Variants in BTBD17 observed in about 807,000 individuals in gnomAD.
BTBD17 encodes BTB domain containing 17, also known as BTB/POZ domain-containing protein 17.
BTBD17 carries 26 observed loss-of-function variants against 36.9 expected under a neutral mutation model. The ratio of observed to expected loss-of-function variants is 0.70; its 90% CI spans 0.52 to 0.98. The LOEUF (loss-of-function observed/expected upper bound fraction) is 0.98. Ranked by LOEUF, BTBD17 falls within the 50% of genes least tolerant of loss-of-function variation. The pLI is 0.00. For synonymous variants in BTBD17, 341 were observed against 338.0 expected (o/e 1.01, Z -0.10); for missense variants, 630 against 691.3 (o/e 0.91, Z 0.99).
Position 74,361,760 on chromosome 17 carries a change from G to T in BTBD17, c.60C>A (p.Thr20=). 6.2e-7 allele frequency: 1 copy of T among 1,613,726 alleles called. No homozygotes were observed. Among genetic ancestry groups the T allele is most frequent in the Non-Finnish European group, 8.5e-7 (1 of 1,179,862 alleles). Residue 20 remains threonine, a synonymous_variant, in exon 1 of 3, where the codon ACC becomes ACA. Transcript: ENST00000375366. ...GSWGSFWAML[T]LVGLVTHAAQ... Reference sequence around the variant, plus strand: ...CTGCATGGGTGACCAGGCCCACCAAGGTCAGCATGGCCCAGAAGCTGCCCC... The same window carrying T: ...CTGCATGGGTGACCAGGCCCACCAATGTCAGCATGGCCCAGAAGCTGCCCC...
chr17:74,360,421 G>A (rs944342254), intron 1 of BTBD17, among the ~76,000 whole-genome samples, 176 bp from the exon 2 acceptor site: 2 of 152,158 alleles, frequency 1.3e-5, no homozygotes, highest in Non-Finnish European at 2.9e-5. Context: ...TGGATGCATC[G>A]GTGCACATAC....
At position 74,357,215 on chromosome 17, in the gene BTBD17, G is replaced by A; in HGVS notation, c.879C>T (p.His293=). The A allele has an allele frequency of 6.3e-7, 1 of 1,575,694 alleles. No homozygotes were observed. The highest frequency in any genetic ancestry group is 8.6e-7 in the Non-Finnish European group (1 of 1,165,256). Residue 293 remains histidine (H), a synonymous_variant, in exon 3 of 3, where the codon CAC becomes CAT. Coordinates refer to ENST00000375366, the MANE Select transcript of BTBD17 (RefSeq NM_001080466.2). This position sits in a 1 kb window ranked among gnomAD's most constrained non-coding sequence, Gnocchi z 8.4. ...TGGCGTAGTGCAGCGGCGACGCGGC[G>A]TGGAACTGGTAGGCCTGCAGCAGGA... is the stretch of plus-strand genomic sequence containing the variant. ...ADLLLQAYQF[H]AASPLHYAKF... is the part of the protein sequence containing the mutation.
intron 2 of BTBD17, 81 bp downstream of exon 2, chr17:74,359,888 T>G (rs2054924774): frequency 6.9e-7 from 1 of 1,448,326 alleles, no homozygotes; most frequent in Non-Finnish European, 9.4e-7. Context: ...TCTAAGGGCC[T>G]GGGCTTCCCT....
chr17:74,361,209 A>G (rs1387988627), intron 1 of BTBD17, among the ~76,000 whole-genome samples: 3 of 152,250 alleles, frequency 2.0e-5, no homozygotes, highest in Non-Finnish European at 4.4e-5. Flanking sequence ...ACTCAGTTAT[A>G]GAAACTGTCA....
At position 74,360,109 on chromosome 17, in the gene BTBD17, G is replaced by A. The variant is rs763112833; in HGVS notation, c.222C>T (p.Thr74=). 5.6e-6 allele frequency: 9 copies of A among 1,613,122 alleles called. No homozygotes were observed. The highest frequency in any genetic ancestry group is 2.2e-5 in the South Asian group (2 of 91,084). ...GGGCGTGGAATACCCGGACCTCATC[G>A]GTGCCCGCAGCCTGCACCCGCAGAA... ...DVVLRVQAAG[T]DEVRVFHAHR... The change falls in exon 2 of 3, where the codon ACC becomes ACT. Residue 74 remains threonine (T), a synonymous_variant. Coordinates refer to ENST00000375366, the MANE Select transcript of BTBD17 (RefSeq NM_001080466.2).
intron 1 of BTBD17, among the ~76,000 whole-genome samples, chr17:74,361,490 G>T (rs1338199971): frequency 2.0e-5 from 3 of 152,180 alleles, no homozygotes; most frequent in Non-Finnish European, 4.4e-5. Flanking sequence ...AATGCTGATG[G>T]CGTCCCCATT....
At position 74,357,757 on chromosome 17, in the gene BTBD17, C is replaced by A; in HGVS notation, c.363-26G>T. 1 of 1,510,220 alleles carries A rather than the reference C, an allele frequency of 6.6e-7. No homozygotes were observed. Among genetic ancestry groups the A allele is most frequent in the Non-Finnish European group, 8.9e-7 (1 of 1,129,000 alleles). 93.6% of individuals were successfully genotyped at this position (1,510,220 alleles called of 1,614,324 possible). A position where few individuals can be genotyped will look rare whatever the true frequency, so the allele number is the denominator to read the frequency against. On this transcript the variant is annotated intron_variant, in intron 2 of 2. Transcript: ENST00000375366. This position sits in a 1 kb window ranked among gnomAD's most constrained non-coding sequence, Gnocchi z 8.4. ...CTGCGGGAGAGACCGAGAGGTGGGG[C>A]GGGGTCAGGGCGGTACCCACCTCCC... is the stretch of plus-strand genomic sequence containing the variant.
chr17:74,357,842 G>T lies in BTBD17; in HGVS notation c.363-111C>A. 1.2e-6 allele frequency: 1 copy of T among 831,484 alleles called. No homozygotes were observed. Among genetic ancestry groups the T allele is most frequent in the Non-Finnish European group, 1.8e-6 (1 of 556,418 alleles). 51.5% of individuals were successfully genotyped at this position (831,484 alleles called of 1,614,324 possible). On this transcript the variant is annotated intron_variant, in intron 2 of 2. Coordinates refer to ENST00000375366, the MANE Select transcript of BTBD17 (RefSeq NM_001080466.2). This position sits in a 1 kb window ranked among gnomAD's most constrained non-coding sequence, Gnocchi z 8.4. ...CCTGGAGTTGGAGCTTCACTGTCCG[G>T]GTGCAAACACAGTGGAAGCCCCACC...
rs1201057705 is a variant in BTBD17, at chr17:74,356,711, G to A, written c.1383C>T (p.His461=). 1 of 1,596,662 alleles carries A rather than the reference G, an allele frequency of 6.3e-7. No individual in the cohort carries two copies. Among genetic ancestry groups the A allele is most frequent in the Admixed American group, 1.7e-5 (1 of 57,648 alleles). The stretch of plus-strand genomic sequence containing the variant: ...ATACGGGCTTGACGATGAGGTGCAG[G>A]TGCAGGGCGTTCTCAACCAGGTACT... ...NSEYLVENAL[H]LHLIVKPVYH... Residue 461 remains histidine (H), a synonymous_variant, in exon 3 of 3, where the codon CAC becomes CAT. Coordinates refer to ENST00000375366, the MANE Select transcript of BTBD17 (RefSeq NM_001080466.2). The surrounding 1 kb of genome is among the most constrained non-coding windows in gnomAD (Gnocchi z 4.3).
Position 74,360,097 on chromosome 17 carries a change from C to T in BTBD17, c.234G>A (p.Arg78=). 6.2e-7 allele frequency: 1 copy of T among 1,613,290 alleles called. No homozygotes were observed. The highest frequency in any genetic ancestry group is 8.5e-7 in the Non-Finnish European group (1 of 1,180,004). ...RVQAAGTDEV[R]VFHAHRLLLG... ...GCAGCAGGCGGTGGGCGTGGAATAC[C>T]CGGACCTCATCGGTGCCCGCAGCCT... Residue 78 remains arginine, a synonymous_variant, in exon 2 of 3, where the codon CGG becomes CGA. Coordinates refer to ENST00000375366, the MANE Select transcript of BTBD17 (RefSeq NM_001080466.2).
At chr17:74,363,215 C>T (rs1393325401), upstream of BTBD17, among the ~76,000 whole-genome samples, 1 of 152,134 alleles carries the variant, frequency 6.6e-6, no homozygotes, top group African/African-American at 2.4e-5. Flanking sequence ...CTGGCTGGCA[C>T]AGAGACCCAG....
chr17:74,357,557 G>C lies in BTBD17; in HGVS notation c.537C>G (p.Thr179=), dbSNP rs749589254. ...AVGWYHYAVG[T]GDEALRESCL... ...AGCTCTCGCGCAGGGCCTCGTCCCC[G>C]GTGCCCACCGCGTAGTGGTACCAGC... The change falls in exon 3 of 3, where the codon ACC becomes ACG. Residue 179 remains threonine, a synonymous_variant. Coordinates refer to ENST00000375366, the MANE Select transcript of BTBD17 (RefSeq NM_001080466.2). This position sits in a 1 kb window ranked among gnomAD's most constrained non-coding sequence, Gnocchi z 8.4. 3.2e-6 allele frequency: 5 copies of C among 1,553,954 alleles called. No homozygotes were observed. The African/African-American group carries it at 4.1e-5, about 13-fold the overall frequency.
chr17:74,357,642 T>C lies in BTBD17; in HGVS notation c.452A>G (p.Gln151Arg), dbSNP rs1290212250. Reference protein sequence around the residue: ...LATKYGVSSLQRGVADYMRAH... With the variant: ...LATKYGVSSLRRGVADYMRAH... Reference sequence around the variant, plus strand: ...GCGCATGTAGTCGGCCACGCCGCGCTGCAGGGAGGACACGCCGTACTTGGT... The same window carrying C: ...GCGCATGTAGTCGGCCACGCCGCGCCGCAGGGAGGACACGCCGTACTTGGT... Residue 151 changes from glutamine to arginine, a missense_variant, in exon 3 of 3, where the codon CAG becomes CGG. Transcript: ENST00000375366. This position sits in a 1 kb window ranked among gnomAD's most constrained non-coding sequence, Gnocchi z 8.4. The C allele has an allele frequency of 1.2e-5, 19 of 1,550,100 alleles. No homozygotes were observed. In the South Asian group the frequency reaches 2.1e-4, roughly 17 times the overall value.
At chr17:74,361,603 T>G (rs2054938696) in intron 1 of BTBD17, 132 bp downstream of exon 1, 1 of 674,232 alleles carries the variant, frequency 1.5e-6, no homozygotes, top group Non-Finnish European at 2.5e-6. Context: ...GATGAGTCCG[T>G]GGAGCTGTCC....
Position 74,357,510 on chromosome 17 carries a change from T to C in BTBD17, c.584A>G (p.Asn195Ser). 11 of 1,564,526 alleles carry C rather than the reference T, an allele frequency of 7.0e-6. No homozygotes were observed. Among genetic ancestry groups the C allele is most frequent in the Admixed American group, 1.8e-5 (1 of 55,504 alleles). Residue 195 changes from asparagine (N) to serine (S), a missense_variant, in exon 3 of 3, where the codon AAC becomes AGC. Transcript: ENST00000375366. This position sits in a 1 kb window ranked among gnomAD's most constrained non-coding sequence, Gnocchi z 8.4. ...RESCLQFLAW[N>S]LSAVAASTEW... is the part of the protein sequence containing the mutation. ...GGTGCTGGCCGCCACGGCCGACAGGTTCCAGGCCAGGAACTGCAGGCAGCT... is the reference window on the plus strand; with the variant it reads ...GGTGCTGGCCGCCACGGCCGACAGGCTCCAGGCCAGGAACTGCAGGCAGCT...
At position 74,357,046 on chromosome 17, in the gene BTBD17, C is replaced by T; in HGVS notation, c.1048G>A (p.Ala350Thr). ...ACGTTCCAGGTGACCCGGCGGCCCG[C>T]GTCGTGGCCACTCGGGCCCAGCTGC... Reference protein sequence around the residue: ...QTQLGPSGHDAGRRVTWNVLF... With the variant: ...QTQLGPSGHDTGRRVTWNVLF... The change falls in exon 3 of 3, where the codon GCG becomes ACG. Residue 350 changes from alanine (A) to threonine (T), a missense_variant. Coordinates refer to ENST00000375366, the MANE Select transcript of BTBD17 (RefSeq NM_001080466.2). The surrounding 1 kb of genome is among the most constrained non-coding windows in gnomAD (Gnocchi z 8.4). The T allele has an allele frequency of 6.5e-7, 1 of 1,528,486 alleles. No homozygotes were observed. The highest frequency in any genetic ancestry group is 8.7e-7 in the Non-Finnish European group (1 of 1,150,364). The allele number at this position is 1,528,486 out of a possible 1,614,324, so 94.7% of individuals were successfully genotyped here.
In BTBD17 at chr17:74,357,560, G is replaced by A. The variant is rs1169274253; in HGVS notation, c.534C>T (p.Gly178=). 8 of 1,554,216 alleles carry A rather than the reference G, an allele frequency of 5.1e-6. No homozygotes were observed. The highest frequency in any genetic ancestry group is 1.4e-5 in the African/African-American group (1 of 73,534). The part of the protein sequence containing the change: ...PAVGWYHYAV[G]TGDEALRESC... ...TCTCGCGCAGGGCCTCGTCCCCGGT[G>A]CCCACCGCGTAGTGGTACCAGCCCA... The change falls in exon 3 of 3, where the codon GGC becomes GGT. Residue 178 remains glycine, a synonymous_variant. Transcript: ENST00000375366. This position sits in a 1 kb window ranked among gnomAD's most constrained non-coding sequence, Gnocchi z 8.4.
rs1396340006 is a variant in BTBD17 at position 74,356,566 on chromosome 17, G to C, written c.*91C>G. On this transcript the variant is annotated 3_prime_UTR_variant, in exon 3 of 3. Transcript: ENST00000375366. The surrounding 1 kb of genome is among the most constrained non-coding windows in gnomAD (Gnocchi z 4.3). ...GTGGCCGGCGCCTGGCCATCCAGGG[G>C]ACCAGGCTTGTTGCCACCTCCAGGC... 7.4e-6 allele frequency: 10 copies of C among 1,360,428 alleles called. No individual in the cohort carries two copies. Among genetic ancestry groups the C allele is most frequent in the Non-Finnish European group, 9.5e-6 (10 of 1,053,206 alleles). The allele number at this position is 1,360,428 out of a possible 1,614,324, so 84.3% of individuals were successfully genotyped here.
At chr17:74,360,374 G>A (rs1567932390) in intron 1 of BTBD17, 129 bp from the exon 2 acceptor site, 1 of 954,584 alleles carries the variant, frequency 1.0e-6, no homozygotes, top group East Asian at 2.7e-5. Flanking sequence ...GCCTAGGCGG[G>A]TTGTATGTGC....
Sources: gnomAD v4.1 joint callset for allele counts (sites outside exome capture counted in the v4.1 genomes callset) on GRCh38, gnomAD v4.1.1 for gene constraint, Gnocchi (gnomAD v3.1) non-coding constraint, MANE v1.5 for transcripts, NCBI Gene and HGNC (gene_info 2026-07-23, HGNC 2026-07-21) for gene names.